The following EVPLL variants were observed in gnomAD, a reference collection of about 807,000 sequenced individuals.
EVPLL encodes the protein envoplakin like, also known as envoplakin-like protein.
EVPLL carries 39 observed loss-of-function variants against 46.2 expected under a neutral mutation model. The ratio of observed to expected loss-of-function variants is 0.84; its 90% CI spans 0.65 to 1.10. The LOEUF is 1.10. EVPLL is among the 50% of genes least tolerant of loss of function. The pLI is 0.00. For missense variants in EVPLL, 385 were observed against 412.6 expected, an observed-to-expected ratio of 0.93 and a Z score of 0.58; for synonymous variants, 156 against 165.8, an observed-to-expected ratio of 0.94 and a Z score of 0.46.
rs751019408 is a variant in EVPLL at position 18,383,540 on chromosome 17, T to C, written c.829T>C (p.Cys277Arg). Residue 277 changes from cysteine to arginine, a missense_variant, in exon 9 of 11, where the codon TGC becomes CGC. Physicochemically the swap from Cys to Arg is radical, Grantham distance 180 (BLOSUM62 -3). Transcript: ENST00000399134. ...KMEWQNFLNLCICQETQLQHV... is the reference protein window; with the variant it reads ...KMEWQNFLNLRICQETQLQHV... ...GGAGTGGCAGAACTTCCTGAACCTG[T>C]GCATCTGCCAGGAGACCCAGCTCCA... The C allele has an allele frequency of 1.3e-5, 21 of 1,582,258 alleles. No homozygotes were observed. In the Admixed American group the frequency reaches 2.0e-4, roughly 15 times the overall value.
rs932210186 is a variant in EVPLL, at chr17:18,381,550, T to C, written c.218+29T>C. ...AGTGGGGCTGCGGCAGGGCTGGGGG[T>C]CCCTGGGGAAGACCCAGGCCCAGCC... On this transcript the variant is annotated intron_variant, in intron 3 of 10. Coordinates refer to ENST00000399134, the MANE Select transcript of EVPLL (RefSeq NM_001145127.2). The surrounding 1 kb of genome is among the most constrained non-coding windows in gnomAD (Gnocchi z 4.2). 1 of 1,612,312 alleles carries C rather than the reference T, an allele frequency of 6.2e-7. No individual in the cohort carries two copies. Among genetic ancestry groups the C allele is most frequent in the Non-Finnish European group, 8.5e-7 (1 of 1,179,356 alleles).
rs1416327820 is a variant in EVPLL, at chr17:18,383,363, G to A, written c.765G>A (p.Ala255=). The stretch of plus-strand genomic sequence containing the variant: ...GCATGGTGGAGCTGCGGCACCCCGC[G>A]GTGGGGCCCATCCAGGTGCGCTGGG... ...GKRMVELRHP[A]VGPIQAHQEA... Residue 255 remains alanine (A), a synonymous_variant, in exon 8 of 11, where the codon GCG becomes GCA. Coordinates refer to ENST00000399134, the MANE Select transcript of EVPLL (RefSeq NM_001145127.2). 9 of 1,600,636 alleles carry A rather than the reference G, an allele frequency of 5.6e-6. No homozygotes were observed. The highest frequency in any genetic ancestry group is 1.7e-5 in the Admixed American group (1 of 58,696).
chr17:18,386,934 G>A (rs981056770), intron 9 of EVPLL, among the ~76,000 whole-genome samples: 58 of 149,080 alleles, frequency 3.9e-4, no homozygotes, highest in African/African-American at 1.3e-3. Context: ...TTGCTCTGTC[G>A]CCCAGGCTGG....
Position 18,383,156 on chromosome 17 carries a change from G to T in EVPLL, c.643G>T (p.Asp215Tyr). 1 of 1,551,986 alleles carries T rather than the reference G, an allele frequency of 6.4e-7. No individual in the cohort carries two copies. ...GCAGGACTGGAGCGACCTCATGGCC[G>T]ACCCTGCGGGCGTGCGGCGGGAATA... ...LQQDWSDLMA[D>Y]PAGVRREYEH... The change falls in exon 7 of 11, where the codon GAC (aspartate) becomes TAC (tyrosine). Residue 215 changes from aspartate to tyrosine, a missense_variant. Asp to Tyr is a radical substitution (Grantham distance 160, BLOSUM62 -3). Coordinates refer to ENST00000399134, the MANE Select transcript of EVPLL (RefSeq NM_001145127.2).
Position 18,381,703 on chromosome 17 carries a change from C to T in EVPLL, c.319C>T (p.Leu107=). ...LPPRRGIQGR[L]GTRAGAETEA... ...GCCCCGACGTGGGATCCAAGGTCGA[C>T]TGGGCACACGTGCTGGAGCAGAAAC... The change falls in exon 4 of 11, where the codon CTG becomes TTG. Residue 107 remains leucine, a synonymous_variant. Transcript: ENST00000399134. The surrounding 1 kb of genome is among the most constrained non-coding windows in gnomAD (Gnocchi z 4.2). 1 of 1,614,196 alleles carries T rather than the reference C, an allele frequency of 6.2e-7. No homozygotes were observed. The highest frequency in any genetic ancestry group is 8.5e-7 in the Non-Finnish European group (1 of 1,180,044).
chr17:18,385,813 G>A lies in EVPLL; in HGVS notation c.876+2226G>A, dbSNP rs370721037. Among the ~76,000 whole-genome samples the A allele has an allele frequency of 5.9e-5, 9 of 152,270 alleles. 1 individual carries two copies. The East Asian group carries it at 1.7e-3, about 29-fold the overall frequency. On this transcript the variant is annotated intron_variant, in intron 9 of 10. Coordinates refer to ENST00000399134, the MANE Select transcript of EVPLL (RefSeq NM_001145127.2). ...TTAAGTTGGTTAACTGTTCTTACAA[G>A]CATTTACACAGTAAGATAAACATAT...
At chr17:18,380,757 C>T in intron 1 of EVPLL, 145 bp from the exon 2 acceptor site, 2 of 682,170 alleles carry the variant, frequency 2.9e-6, no homozygotes, top group Non-Finnish European at 5.1e-6. Flanking sequence ...CACAGAGCCT[C>T]CTGCAGAGAG....
chr17:18,379,430 T>C (rs1344882258), intron 1 of EVPLL, among the ~76,000 whole-genome samples: 1 of 152,220 alleles, frequency 6.6e-6, no homozygotes, highest in African/African-American at 2.4e-5. Context: ...CTGAGTGACC[T>C]GTCCTCCCTG....
chr17:18,380,871 G>A lies in EVPLL; in HGVS notation c.-36-31G>A, dbSNP rs370013393. 5.2e-3 allele frequency: 8,028 copies of A among 1,538,402 alleles called. 43 individuals are homozygous for A. Among genetic ancestry groups the A allele is most frequent in the Non-Finnish European group, 5.5e-3 (6,290 of 1,134,688 alleles). On this transcript the variant is annotated intron_variant, in intron 1 of 10. Transcript: ENST00000399134. ...GGGGCACAGAGGGGCCTCTTCCACC[G>A]AGCTGCCCACTGTCCCCTCCACCCA...
intron 1 of EVPLL, 95 bp from the exon 2 acceptor site, chr17:18,380,807 G>T (rs138775560): frequency 1.9e-6 from 2 of 1,026,844 alleles, no homozygotes; most frequent in Non-Finnish European, 2.9e-6. Flanking sequence ...CTGTGGGGGC[G>T]GGATGGGGTG....
chr17:18,380,840 C>G, intron 1 of EVPLL, 62 bp from the exon 2 acceptor site: 1 of 1,416,516 alleles, frequency 7.1e-7, no homozygotes, highest in Non-Finnish European at 9.7e-7. Context: ...GGGACGCCAC[C>G]TGGATGGGGC....
chr17:18,383,484 G>A lies in EVPLL; in HGVS notation c.781-8G>A. 3.8e-6 allele frequency: 6 copies of A among 1,568,150 alleles called. No individual in the cohort carries two copies. Among genetic ancestry groups the A allele is most frequent in the Non-Finnish European group, 5.2e-6 (6 of 1,156,730 alleles). Reference sequence around the variant, plus strand: ...CGTGGTCCGAGGGCTCCGTGCTGCGGTACCCAGGCCCACCAGGAGGCCCTG... The same window carrying A: ...CGTGGTCCGAGGGCTCCGTGCTGCGATACCCAGGCCCACCAGGAGGCCCTG... On this transcript the variant is annotated splice_region_variant and splice_polypyrimidine_tract_variant and intron_variant, in intron 8 of 10. Transcript: ENST00000399134.
intron 7 of EVPLL, 31 bp from the exon 8 acceptor site, chr17:18,383,240 C>A: frequency 6.4e-7 from 1 of 1,554,100 alleles, no homozygotes. Flanking sequence ...TCCTGGTCCT[C>A]ACCGCCGCTC....
intron 1 of EVPLL, chr17:18,380,027 C>T (rs575255420): frequency 1.3e-5 from 2 of 152,510 alleles, no homozygotes; most frequent in East Asian, 1.9e-4. Context: ...CCAGCACTGT[C>T]CCGTTGCCTG....
chr17:18,385,131 C>T, intron 9 of EVPLL, among the ~76,000 whole-genome samples: 1 of 150,528 alleles, frequency 6.6e-6, no homozygotes, highest in Non-Finnish European at 1.5e-5. Flanking sequence ...AGTTGTAGGT[C>T]ACCATCACCT....
In EVPLL at chr17:18,381,512, C is replaced by T. The variant is rs1395952039; in HGVS notation, c.209C>T (p.Thr70Ile). 2.5e-6 allele frequency: 4 copies of T among 1,613,760 alleles called. No individual in the cohort carries two copies. The highest frequency in any genetic ancestry group is 3.4e-6 in the Non-Finnish European group (4 of 1,179,926). The change falls in exon 3 of 11, where the codon ACT becomes ATT. Residue 70 changes from threonine to isoleucine, a missense_variant. Physicochemically the swap from Thr to Ile is moderately conservative, Grantham distance 89 (BLOSUM62 -1). Coordinates refer to ENST00000399134, the MANE Select transcript of EVPLL (RefSeq NM_001145127.2). This position sits in a 1 kb window ranked among gnomAD's most constrained non-coding sequence, Gnocchi z 4.2. The stretch of plus-strand genomic sequence containing the variant: ...CTCAAGCACCCGCAGGCTGAGGAGA[C>T]TGAGAAGGAGTGAGTGGGGCTGCGG... The part of the protein sequence containing the change: ...RRLKHPQAEE[T>I]EKDIEQLHER...
intron 4 of EVPLL, chr17:18,382,241 G>A (rs1158473167): frequency 2.4e-6 from 1 of 409,176 alleles, no homozygotes; most frequent in East Asian, 5.0e-5. Context: ...TCACAGACAA[G>A]GCAGGATGGA....
At position 18,379,362 on chromosome 17, in the gene EVPLL, T is replaced by A. The variant is rs3764406; in HGVS notation, c.-37+1379T>A. On this transcript the variant is annotated intron_variant, in intron 1 of 10. Transcript: ENST00000399134. ...GATCAAGGCACCAACAGACACCGAG[T>A]CTGGGCGTCTGGGCCGACGGGAAAG... Among the ~76,000 whole-genome samples, 6 of 152,386 alleles carry A rather than the reference T, an allele frequency of 3.9e-5. No individual in the cohort carries two copies. In the East Asian group the frequency reaches 1.2e-3, roughly 29 times the overall value.
Position 18,381,278 on chromosome 17 carries a change from C to T in EVPLL, c.64-89C>T. ...CGAGGTTGGCCAGCATAGCTGGGGT[C>T]CCAAAGGTGGGGCTCAGGCCCACAA... is the stretch of plus-strand genomic sequence containing the variant. On this transcript the variant is annotated intron_variant, in intron 2 of 10. Coordinates refer to ENST00000399134, the MANE Select transcript of EVPLL (RefSeq NM_001145127.2). This position sits in a 1 kb window ranked among gnomAD's most constrained non-coding sequence, Gnocchi z 4.2. The T allele has an allele frequency of 1.4e-6, 2 of 1,462,194 alleles. No homozygotes were observed. The highest frequency in any genetic ancestry group is 1.8e-6 in the Non-Finnish European group (2 of 1,106,896). 90.6% of individuals were successfully genotyped at this position (1,462,194 alleles called of 1,614,324 possible).
Sources: allele counts gnomAD v4.1 joint callset (sites outside exome capture counted in the v4.1 genomes callset), GRCh38; gene constraint gnomAD v4.1.1; non-coding constraint Gnocchi (gnomAD v3.1); transcripts MANE v1.5; gene names NCBI Gene and HGNC (gene_info 2026-07-23, HGNC 2026-07-21).